Variants in ARMH1 observed in about 807,000 individuals in gnomAD.
ARMH1 encodes armadillo-like helical domain containing protein 1.
A neutral mutation model predicts 50.2 loss-of-function variants in ARMH1; 34 were observed. That is an observed-to-expected ratio of 0.68 (90% CI 0.51 to 0.90). The LOEUF (loss-of-function observed/expected upper bound fraction) is 0.90. Among genes scored for constraint, ARMH1 ranks in the 40% least tolerant of loss-of-function variants. The pLI is 0.00. For synonymous variants in ARMH1, 221 were observed against 224.2 expected, an observed-to-expected ratio of 0.99 and a Z score of 0.13; for missense variants, 538 against 553.9, an observed-to-expected ratio of 0.97 and a Z score of 0.29.
chr1:44,679,431 G>A (rs1269953847), intron 1 of ARMH1, among the ~76,000 whole-genome samples: 1 of 152,160 alleles, frequency 6.6e-6, no homozygotes, highest in African/African-American at 2.4e-5. Flanking sequence ...CATTTCCACT[G>A]ATCATTAGAG....
intron 4 of ARMH1, among the ~76,000 whole-genome samples, chr1:44,699,149 T>G (rs1460264767): frequency 2.0e-5 from 3 of 151,768 alleles, no homozygotes; most frequent in Non-Finnish European, 2.9e-5. Flanking sequence ...AAACGCATGG[T>G]GGCACGCACC....
chr1:44,723,548 C>T (rs1418010962), intron 6 of ARMH1, among the ~76,000 whole-genome samples: 1 of 152,124 alleles, frequency 6.6e-6, no homozygotes, highest in Non-Finnish European at 1.5e-5. Flanking sequence ...AGTGGTTTAC[C>T]TCTCTGTGTC....
At chr1:44,721,018 CAG>C (rs1351146885) in intron 6 of ARMH1, among the ~76,000 whole-genome samples, 2 of 151,962 alleles carry the variant, frequency 1.3e-5, no homozygotes, top group African/African-American at 4.8e-5. Flanking sequence ...GCCTGGGTGA[CAG>C]AGTGAAACTC....
At chr1:44,721,903 T>G (rs917995709) in intron 6 of ARMH1, 8 of 152,256 alleles carry the variant, frequency 5.3e-5, no homozygotes, top group African/African-American at 1.4e-4. Context: ...ACCAGAGATC[T>G]GCCTGTTAGC....
intron 6 of ARMH1, among the ~76,000 whole-genome samples, chr1:44,718,979 C>T (rs1049990410): frequency 2.1e-5 from 3 of 144,540 alleles, no homozygotes; most frequent in African/African-American, 5.2e-5. Flanking sequence ...GAGCTAAGAT[C>T]GCACCATAGT....
chr1:44,679,411 G>C (rs959247203), intron 1 of ARMH1, among the ~76,000 whole-genome samples: 8 of 152,174 alleles, frequency 5.3e-5, no homozygotes, highest in African/African-American at 1.9e-4. Context: ...GTGCTAATTT[G>C]TTTGCTTCTC....
chr1:44,677,406 A>G (rs924382808), intron 1 of ARMH1, among the ~76,000 whole-genome samples: 29 of 152,230 alleles, frequency 1.9e-4, no homozygotes, highest in Non-Finnish European at 5.9e-5. Flanking sequence ...TGGAAGGACA[A>G]AGGACAAGGA....
chr1:44,709,636 C>T (rs1646510166), intron 6 of ARMH1, among the ~76,000 whole-genome samples: 1 of 151,058 alleles, frequency 6.6e-6, no homozygotes, highest in Admixed American at 6.6e-5. Context: ...CATGCCATTG[C>T]ACTCCAGCCT....
Position 44,724,679 on chromosome 1 carries a change from C to T in ARMH1, c.1050+11C>T, listed in dbSNP as rs2148809457. 1 of 1,484,456 alleles carries T rather than the reference C, an allele frequency of 6.7e-7. No homozygotes were observed. The highest frequency in any genetic ancestry group is 8.9e-7 in the Non-Finnish European group (1 of 1,124,162). The allele number at this position is 1,484,456 out of a possible 1,614,324, so 92.0% of individuals were successfully genotyped here. ...AGCCTCACGCTGGAGGTGCGCGCGG[C>T]GGCTGGTTAGGGGGCGGGAAGGGCG... On this transcript the variant is annotated intron_variant, in intron 9 of 11. Transcript: ENST00000535358. This position sits in a 1 kb window ranked among gnomAD's most constrained non-coding sequence, Gnocchi z 6.4.
Position 44,683,085 on chromosome 1 carries a change from C to T in ARMH1, c.-22-6591C>T, listed in dbSNP as rs1165284769. Among the ~76,000 whole-genome samples the T allele has an allele frequency of 6.6e-6, 1 of 152,202 alleles. No homozygotes were observed. Among genetic ancestry groups the T allele is most frequent in the Admixed American group, 6.5e-5 (1 of 15,280 alleles). ...TAGCGGCAGTGGAGGTGAAGACAGA[C>T]AGACTGATCTCAGGGAAATTTAGGA... On this transcript the variant is annotated intron_variant, in intron 1 of 11. Coordinates refer to ENST00000535358, the MANE Select transcript of ARMH1 (RefSeq NM_001145636.2). The surrounding 1 kb of genome is among the most constrained non-coding windows in gnomAD (Gnocchi z 4.2).
chr1:44,696,960 G>A (rs1213066904), intron 2 of ARMH1, 142 bp from the exon 3 acceptor site: 3 of 632,312 alleles, frequency 4.7e-6, no homozygotes, highest in South Asian at 3.7e-5. Flanking sequence ...TTCCCCTTCC[G>A]CTGGTAGCTC....
chr1:44,699,039 T>C (rs1357258301), intron 4 of ARMH1, among the ~76,000 whole-genome samples: 1 of 151,530 alleles, frequency 6.6e-6, no homozygotes, highest in Non-Finnish European at 1.5e-5. Flanking sequence ...TCCCAGCACT[T>C]TGGGAGGCAG....
chr1:44,717,066 G>T (rs1042616340), intron 6 of ARMH1, among the ~76,000 whole-genome samples: 1 of 152,014 alleles, frequency 6.6e-6, no homozygotes, highest in Non-Finnish European at 1.5e-5. Flanking sequence ...GGCCAGGCTG[G>T]TCGTGAACTC....
intron 6 of ARMH1, among the ~76,000 whole-genome samples, chr1:44,704,979 C>T (rs1327323673): frequency 2.0e-5 from 3 of 151,856 alleles, no homozygotes; most frequent in African/African-American, 7.3e-5. Context: ...GGACTACAGG[C>T]GCCTGTCACC....
intron 6 of ARMH1, among the ~76,000 whole-genome samples, chr1:44,722,449 C>A (rs1647431323): frequency 1.3e-5 from 2 of 152,034 alleles, no homozygotes; most frequent in South Asian, 2.1e-4. Context: ...TGCCTGTAAT[C>A]CCAGCACTTT....
chr1:44,707,862 CTG>C (rs1646413171), intron 6 of ARMH1, among the ~76,000 whole-genome samples: 1 of 152,226 alleles, frequency 6.6e-6, no homozygotes, highest in Admixed American at 6.5e-5. Context: ...GAACGTGACT[CTG>C]TGACTGCATT....
intron 6 of ARMH1, among the ~76,000 whole-genome samples, chr1:44,712,629 C>A (rs1573447535): frequency 1.3e-5 from 2 of 150,244 alleles, no homozygotes; most frequent in Admixed American, 1.3e-4. Flanking sequence ...TCATACCCCT[C>A]ACAGGGTTAA....
rs1051170738 is a variant in ARMH1, at chr1:44,682,819, A to C, written c.-22-6857A>C. On this transcript the variant is annotated intron_variant, in intron 1 of 11. Transcript: ENST00000535358. This position sits in a 1 kb window ranked among gnomAD's most constrained non-coding sequence, Gnocchi z 4.5. Reference sequence around the variant, plus strand: ...GGTGGGCATGGTGGCATGCACCTGTAGTCCCAGCTACTCAGGAGGCTGAGG... The same window carrying C: ...GGTGGGCATGGTGGCATGCACCTGTCGTCCCAGCTACTCAGGAGGCTGAGG... Among the ~76,000 whole-genome samples, 1 of 152,218 alleles carries C rather than the reference A, an allele frequency of 6.6e-6. No individual in the cohort carries two copies. Among genetic ancestry groups the C allele is most frequent in the Admixed American group, 6.5e-5 (1 of 15,284 alleles).
intron 6 of ARMH1, among the ~76,000 whole-genome samples, chr1:44,707,492 C>T (rs980211596): frequency 3.3e-5 from 5 of 152,152 alleles, no homozygotes; most frequent in Non-Finnish European, 7.3e-5. Flanking sequence ...CACCGTAGCA[C>T]AGTCATGGCT....
Sources: allele counts gnomAD v4.1 joint callset (sites outside exome capture counted in the v4.1 genomes callset), GRCh38; gene constraint gnomAD v4.1.1; non-coding constraint Gnocchi (gnomAD v3.1); transcripts MANE v1.5; gene names NCBI Gene and HGNC (gene_info 2026-07-23, HGNC 2026-07-21).